SBF1: variants seen among roughly 807,000 people sequenced by gnomAD.
SBF1 encodes SET binding factor 1.
SBF1 carries 65 observed loss-of-function variants against 215.8 expected under a neutral mutation model. That is an observed-to-expected ratio of 0.30 (90% CI 0.25 to 0.37). The LOEUF (loss-of-function observed/expected upper bound fraction) is 0.37. Among genes scored for constraint, SBF1 ranks in the 10% least tolerant of loss-of-function variants. SBF1 has a pLI of 1.00. For missense variants in SBF1, 2,634 were observed against 2,667.8 expected (o/e 0.99, Z 0.28); for synonymous variants, 1,410 against 1,122.8 (o/e 1.26, Z -5.11).
intron 15 of SBF1, among the ~76,000 whole-genome samples, chr22:50,463,960 C>G (rs898057198): frequency 1.3e-4 from 20 of 152,102 alleles, no homozygotes; most frequent in Admixed American, 7.2e-4. Context: ...CCATAAGATG[C>G]AAGGAACAGG....
chr22:50,450,710 G>C (rs2067012237), intron 36 of SBF1, among the ~76,000 whole-genome samples: 1 of 152,132 alleles, frequency 6.6e-6, no homozygotes, highest in Non-Finnish European at 1.5e-5. Flanking sequence ...AGGTGCTGGA[G>C]AGCTGCCCAA....
chr22:50,463,500 G>A (rs1474162178), intron 15 of SBF1, 68 bp from the exon 16 acceptor site: 2 of 1,466,006 alleles, frequency 1.4e-6, no homozygotes, highest in South Asian at 1.4e-5. Context: ...CTGGCAGGGA[G>A]GGCAGCAGGT....
In SBF1 at chr22:50,462,688, T is replaced by G. The variant is rs1319467600; in HGVS notation, c.1998A>C (p.Ala666=). ...RKLSPGVTQF[A]YSCVQEHVVW... ...CCACGTGCTCCTGCACACAGCTGTA[T>G]GCAAACTGCGTCACCCCCGGGCTCA... Residue 666 remains alanine (A), a synonymous_variant, in exon 18 of 41, where the codon GCA becomes GCC. Coordinates refer to ENST00000380817, the MANE Select transcript of SBF1 (RefSeq NM_002972.4). 1 of 1,612,120 alleles carries G rather than the reference T, an allele frequency of 6.2e-7. No individual in the cohort carries two copies. The highest frequency in any genetic ancestry group is 1.3e-5 in the African/African-American group (1 of 74,906).
At position 50,447,656 on chromosome 22, in the gene SBF1, C is replaced by T. The variant is rs754230374; in HGVS notation, c.5364-47G>A. The stretch of plus-strand genomic sequence containing the variant: ...GGCCAGGCTGACCGTCATGGCCCAG[C>T]CAAGCCCAGGCCCCAGCAGTCGTCC... On this transcript the variant is annotated intron_variant, in intron 38 of 40. Transcript: ENST00000380817. 3 of 1,407,642 alleles carry T rather than the reference C, an allele frequency of 2.1e-6. No individual in the cohort carries two copies. The South Asian group carries it at 3.6e-5, about 17-fold the overall frequency. The allele number at this position is 1,407,642 out of a possible 1,614,324, so 87.2% of individuals were successfully genotyped here.
chr22:50,453,986 A>C (rs4824146), intron 36 of SBF1, among the ~76,000 whole-genome samples: 1 of 151,654 alleles, frequency 6.6e-6, no homozygotes, highest in African/African-American at 2.4e-5. Flanking sequence ...CCACCACCCA[A>C]TCGCAGTCTC....
chr22:50,465,675 TG>T, intron 10 of SBF1, 87 bp downstream of exon 10: 1 of 1,255,846 alleles, frequency 8.0e-7, no homozygotes, highest in Non-Finnish European at 1.1e-6. Flanking sequence ...AGCCTGGGGG[TG>T]GGGCCCTGTG....
chr22:50,473,710 G>C (rs1362994329), intron 1 of SBF1, among the ~76,000 whole-genome samples: 1 of 152,142 alleles, frequency 6.6e-6, no homozygotes, highest in Non-Finnish European at 1.5e-5. Context: ...ACAAAAAACA[G>C]GGTAACTGGG....
rs765525431 is a variant in SBF1, at chr22:50,454,713, G to A, written c.4842C>T (p.Asn1614=). The A allele has an allele frequency of 1.3e-5, 21 of 1,567,612 alleles. No homozygotes were observed. The highest frequency in any genetic ancestry group is 9.5e-5 in the Admixed American group (5 of 52,750). ...EVLRPYSNVS[N]LKVWDFYTEE... is the part of the protein sequence containing the mutation. ...CAGTGTAGAAGTCCCACACCTTCAG[G>A]TTGGACACGTTGCTGTAGGGCCGCA... The change falls in exon 36 of 41, where the codon AAC becomes AAT. Residue 1614 remains asparagine, a synonymous_variant. Transcript: ENST00000380817.
chr22:50,466,850 A>C (rs2067783948), intron 5 of SBF1, 140 bp from the exon 6 acceptor site: 2 of 615,720 alleles, frequency 3.2e-6, no homozygotes, highest in Admixed American at 6.6e-5. Context: ...ACATGGCAAG[A>C]GGGAAACGCC....
intron 36 of SBF1, among the ~76,000 whole-genome samples, chr22:50,449,773 C>T (rs1043524239): frequency 3.3e-5 from 5 of 152,188 alleles, no homozygotes; most frequent in Non-Finnish European, 7.3e-5. Context: ...CGGCTGACTT[C>T]AAAAGAGAAA....
rs1334195250 is a variant in SBF1, at chr22:50,461,068, T to C, written c.2967+91A>G. 2.7e-6 allele frequency: 4 copies of C among 1,476,224 alleles called. No homozygotes were observed. The South Asian group carries it at 4.1e-5, about 15-fold the overall frequency. The allele number at this position is 1,476,224 out of a possible 1,614,324, so 91.4% of individuals were successfully genotyped here. ...TAACAACAGGGCCACTGCTGGAGAC[T>C]GGCCTAAAAATGGTTCATACAAGAA... On this transcript the variant is annotated intron_variant, in intron 23 of 40. Transcript: ENST00000380817.
rs913318539 is a variant in SBF1 at position 50,466,761 on chromosome 22, G to A, written c.550-51C>T. The stretch of plus-strand genomic sequence containing the variant: ...CAGTAGTTTGGCCAGAGCCAGCCCA[G>A]AGTCAGCCCAGAGCTCTGTGTCCCC... On this transcript the variant is annotated intron_variant, in intron 5 of 40. Transcript: ENST00000380817. 12 of 1,318,906 alleles carry A rather than the reference G, an allele frequency of 9.1e-6. No homozygotes were observed. The East Asian group carries it at 2.8e-4, about 31-fold the overall frequency. The allele number at this position is 1,318,906 out of a possible 1,614,324, so 81.7% of individuals were successfully genotyped here.
chr22:50,458,985 G>C (rs2067380562), intron 28 of SBF1, among the ~76,000 whole-genome samples: 1 of 152,224 alleles, frequency 6.6e-6, no homozygotes, highest in Admixed American at 6.5e-5. Context: ...GACCCTACAG[G>C]AAGCTGCAGC....
chr22:50,456,450 C>T lies in SBF1; in HGVS notation c.4086+42G>A, dbSNP rs369872610. On this transcript the variant is annotated intron_variant, in intron 30 of 40. Transcript: ENST00000380817. Reference sequence around the variant, plus strand: ...ACACATGAGGCCCCAAGCCCCCTGCCGAGCCCCCACCCTCACCCCCCACCC... The same window carrying T: ...ACACATGAGGCCCCAAGCCCCCTGCTGAGCCCCCACCCTCACCCCCCACCC... 30 of 1,542,394 alleles carry T rather than the reference C, an allele frequency of 1.9e-5. No individual in the cohort carries two copies. The African/African-American group carries it at 2.1e-4, about 11-fold the overall frequency.
Position 50,474,903 on chromosome 22 carries a change from C to T in SBF1, c.-63G>A. On this transcript the variant is annotated 5_prime_UTR_variant, in exon 1 of 41. Transcript: ENST00000380817. ...GCTCCGCGGCTCGGGGACTCGAGGA[C>T]GGCGCGCTCATGGCCCGGCCCCGGC... The T allele has an allele frequency of 2.5e-6, 3 of 1,205,876 alleles. No individual in the cohort carries two copies. Among genetic ancestry groups the T allele is most frequent in the South Asian group, 1.8e-5 (1 of 56,620 alleles). The allele number at this position is 1,205,876 out of a possible 1,614,324, so 74.7% of individuals were successfully genotyped here.
intron 21 of SBF1, 32 bp from the exon 22 acceptor site, chr22:50,461,750 G>A (rs768258886): frequency 2.5e-6 from 4 of 1,610,274 alleles, no homozygotes; most frequent in Admixed American, 3.3e-5. Context: ...AGCTCAGGAT[G>A]CAGCCCGGGC....
At chr22:50,451,692 T>A (rs1028202334) in intron 36 of SBF1, among the ~76,000 whole-genome samples, 3 of 151,860 alleles carry the variant, frequency 2.0e-5, no homozygotes, top group Non-Finnish European at 4.4e-5. Flanking sequence ...TGCAAAATCT[T>A]AAGGCAGAGA....
At chr22:50,459,228 C>A in intron 28 of SBF1, 27 bp downstream of exon 28, 2 of 1,581,576 alleles carry the variant, frequency 1.3e-6, no homozygotes, top group Non-Finnish European at 1.7e-6. Context: ...TGCCCCTGCC[C>A]CACCGTCTGC....
At position 50,447,340 on chromosome 22, in the gene SBF1, G is replaced by A. The variant is rs201685920; in HGVS notation, c.5565C>T (p.Asp1855=). 34 of 1,613,874 alleles carry A rather than the reference G, an allele frequency of 2.1e-5. No individual in the cohort carries two copies. The highest frequency in any genetic ancestry group is 1.1e-4 in the South Asian group (10 of 91,086). The stretch of plus-strand genomic sequence containing the variant: ...GGCTCACGTCAAAGAAGGCCTTCTC[G>A]TCCACAGTCTTAGGGGCACCCATAG... ...TPTMGAPKTV[D]EKAFFDVKTT... is the part of the protein sequence containing the mutation. The change falls in exon 40 of 41, where the codon GAC becomes GAT. Residue 1855 remains aspartate, a synonymous_variant. Coordinates refer to ENST00000380817, the MANE Select transcript of SBF1 (RefSeq NM_002972.4).
Sources: gnomAD v4.1 joint callset for allele counts (sites outside exome capture counted in the v4.1 genomes callset) on GRCh38, gnomAD v4.1.1 for gene constraint, MANE v1.5 for transcripts, NCBI Gene and HGNC (gene_info 2026-07-23, HGNC 2026-07-21) for gene names.